STARD13: variants seen among roughly 807,000 people sequenced by gnomAD.
The protein encoded by STARD13 is StAR related lipid transfer domain containing 13.
STARD13 carries 62 observed loss-of-function variants against 106.4 expected under a neutral mutation model. The observed-to-expected ratio is 0.58, with a 90% confidence interval of 0.48 to 0.72. The LOEUF (loss-of-function observed/expected upper bound fraction) is 0.72. Ranked by LOEUF, STARD13 falls within the 30% of genes least tolerant of loss-of-function variation. The pLI, the probability that STARD13 is intolerant of heterozygous loss-of-function variation, is 0.00. For missense variants in STARD13, 1,387 were observed against 1,424.0 expected, an observed-to-expected ratio of 0.97 and a Z score of 0.42; for synonymous variants, 565 against 553.0, an observed-to-expected ratio of 1.02 and a Z score of -0.31.
the STARD13 span, among the ~76,000 whole-genome samples, chr13:33,563,423 C>G: frequency 6.8e-6 from 1 of 146,748 alleles, no homozygotes; most frequent in Non-Finnish European, 1.5e-5. Flanking sequence ...GATATAAATC[C>G]ACGCATTTAG....
chr13:33,636,609 G>A, the STARD13 span, among the ~76,000 whole-genome samples: 6 of 152,296 alleles, frequency 3.9e-5, no homozygotes, highest in African/African-American at 7.2e-5. Flanking sequence ...AGGCTAAGGT[G>A]ATAATTTTCT....
At chr13:33,614,024 T>G in the STARD13 span, among the ~76,000 whole-genome samples, 1 of 152,302 alleles carries the variant, frequency 6.6e-6, no homozygotes, top group South Asian at 2.1e-4. Flanking sequence ...GTCAGTTGTA[T>G]TCTTTTCCAG....
chr13:33,363,747 C>A, the STARD13 span, among the ~76,000 whole-genome samples: 1 of 152,172 alleles, frequency 6.6e-6, no homozygotes, highest in Non-Finnish European at 1.5e-5. Flanking sequence ...TGGATTGAAA[C>A]CCTCCTGAGG....
intron 1 of STARD13, among the ~76,000 whole-genome samples, chr13:33,342,438 T>C (rs2077970885): frequency 6.6e-6 from 1 of 152,184 alleles, no homozygotes; most frequent in African/African-American, 2.4e-5. Flanking sequence ...ACTTGAGAAG[T>C]ATTTTCCTTA....
intron 1 of STARD13, among the ~76,000 whole-genome samples, chr13:33,301,124 G>T (rs1018133320): frequency 6.6e-6 from 1 of 152,236 alleles, no homozygotes. Context: ...ATCCATGAAG[G>T]TAGGGACCAT....
At chr13:33,554,414 G>A in the STARD13 span, among the ~76,000 whole-genome samples, 1 of 152,224 alleles carries the variant, frequency 6.6e-6, no homozygotes, top group Admixed American at 6.5e-5. Flanking sequence ...GTGTGACCCT[G>A]TGCAAGTTAC....
the STARD13 span, among the ~76,000 whole-genome samples, chr13:33,493,385 T>G: frequency 6.6e-6 from 1 of 152,152 alleles, no homozygotes; most frequent in Admixed American, 6.6e-5. Context: ...TGCTTACGCA[T>G]TTGTCCAAAC....
the STARD13 span, among the ~76,000 whole-genome samples, chr13:33,450,924 C>T: frequency 2.0e-5 from 3 of 152,082 alleles, no homozygotes; most frequent in African/African-American, 7.2e-5. Flanking sequence ...GCTCTGTCCC[C>T]CAGGCTGGAG....
chr13:33,589,494 T>C, the STARD13 span, among the ~76,000 whole-genome samples: 2 of 152,216 alleles, frequency 1.3e-5, no homozygotes, highest in Non-Finnish European at 2.9e-5. Flanking sequence ...TTCTGGTATG[T>C]TGTGTCTTTG....
chr13:33,597,219 A>G, the STARD13 span, among the ~76,000 whole-genome samples: 1 of 152,250 alleles, frequency 6.6e-6, no homozygotes. Context: ...TCTTTTTGAC[A>G]ATAGCCATTC....
At chr13:33,527,923 G>A in the STARD13 span, among the ~76,000 whole-genome samples, 1 of 151,038 alleles carries the variant, frequency 6.6e-6, no homozygotes, top group Non-Finnish European at 1.5e-5. Flanking sequence ...TTAAGAACCC[G>A]TTAACTGACC....
the STARD13 span, among the ~76,000 whole-genome samples, chr13:33,441,187 T>C: frequency 6.6e-6 from 1 of 152,182 alleles, no homozygotes; most frequent in Non-Finnish European, 1.5e-5. Flanking sequence ...CAAATGTTGC[T>C]TGAATCCATC....
the STARD13 span, among the ~76,000 whole-genome samples, chr13:33,500,754 G>T: frequency 6.6e-6 from 1 of 152,102 alleles, no homozygotes; most frequent in African/African-American, 2.4e-5. Context: ...ACCAACTACA[G>T]CAGGAATTCT....
At chr13:33,641,739 T>C in the STARD13 span, among the ~76,000 whole-genome samples, 32 of 152,204 alleles carry the variant, frequency 2.1e-4, no homozygotes, top group Non-Finnish European at 4.4e-4. Flanking sequence ...AAGCCTGTGA[T>C]ATACTGATTA....
chr13:33,638,502 G>A, the STARD13 span, among the ~76,000 whole-genome samples: 1 of 152,180 alleles, frequency 6.6e-6, no homozygotes, highest in African/African-American at 2.4e-5. Flanking sequence ...CTAAAGACCT[G>A]AAATCAATAG....
chr13:33,592,563 A>G, the STARD13 span, among the ~76,000 whole-genome samples: 4 of 152,328 alleles, frequency 2.6e-5, no homozygotes. Flanking sequence ...CCTAAGATAC[A>G]GTCTTACACA....
At chr13:33,209,578 G>C (rs1381898443) in intron 1 of STARD13, among the ~76,000 whole-genome samples, 1 of 152,040 alleles carries the variant, frequency 6.6e-6, no homozygotes, top group African/African-American at 2.4e-5. Flanking sequence ...GGACAGATCT[G>C]CTGGTCGTCA....
At chr13:33,370,646 T>G in the STARD13 span, among the ~76,000 whole-genome samples, 2 of 143,812 alleles carry the variant, frequency 1.4e-5, no homozygotes, top group Non-Finnish European at 3.0e-5. Context: ...TGAGACAGAG[T>G]CTCATTCTGT....
the STARD13 span, among the ~76,000 whole-genome samples, chr13:33,459,254 T>G: frequency 6.6e-6 from 1 of 152,180 alleles, no homozygotes; most frequent in African/African-American, 2.4e-5. Flanking sequence ...CATTCTTTCT[T>G]TCCCTCCCAC....
Sources: allele counts gnomAD v4.1 joint callset (sites outside exome capture counted in the v4.1 genomes callset), GRCh38; gene constraint gnomAD v4.1.1; transcripts MANE v1.5; gene names NCBI Gene and HGNC (gene_info 2026-07-23, HGNC 2026-07-21).